Variants in CREM observed in about 807,000 individuals in gnomAD.
CREM encodes the protein cAMP-responsive element modulator.
Under a neutral mutation model 37.3 loss-of-function variants are expected in CREM, and 13 were observed. The observed-to-expected ratio is 0.35, with a 90% confidence interval of 0.23 to 0.55. The LOEUF (loss-of-function observed/expected upper bound fraction) is 0.55, where lower values mean the gene tolerates loss of function less well. Ranked by LOEUF, CREM falls within the 20% of genes least tolerant of loss-of-function variation. The probability of loss-of-function intolerance (pLI) is 0.88; values close to 1 mark genes in which losing one functional copy is unlikely to be tolerated. For missense variants in CREM, 296 were observed against 362.3 expected, an observed-to-expected ratio of 0.82 and a Z score of 1.49; for synonymous variants, 124 against 120.2, an observed-to-expected ratio of 1.03 and a Z score of -0.21.
intron 6 of CREM, among the ~76,000 whole-genome samples, chr10:35,188,926 A>G (rs892983455): frequency 6.6e-6 from 1 of 152,140 alleles, no homozygotes; most frequent in Non-Finnish European, 1.5e-5. Context: ...TGGAGGCCTC[A>G]GCCTCCTAAA....
chr10:35,212,345 CAAAG>C lies in CREM; in HGVS notation c.*949_*952del, dbSNP rs995768840. On this transcript the variant is annotated 3_prime_UTR_variant, in exon 8 of 8. Transcript: ENST00000685392. ...TATTGCTGTCCTTGAATGCCATAGTCAAAGAGAGTTTTTAATAGAACCATGTTGG... is the reference window on the plus strand; with the variant it reads ...TATTGCTGTCCTTGAATGCCATAGTCAGAGTTTTTAATAGAACCATGTTGG... The C allele has an allele frequency of 6.6e-6, 1 of 152,106 alleles. No homozygotes were observed. The highest frequency in any genetic ancestry group is 1.5e-5 in the Non-Finnish European group (1 of 67,996). 9.4% of individuals were successfully genotyped at this position (152,106 alleles called of 1,614,324 possible).
chr10:35,157,609 C>A (rs1031021054), intron 3 of CREM, among the ~76,000 whole-genome samples: 2 of 149,858 alleles, frequency 1.3e-5, no homozygotes, highest in Admixed American at 6.7e-5. Flanking sequence ...GCACTCCAGC[C>A]CAGGTTGCAG....
chr10:35,155,198 T>C (rs2092820217), intron 3 of CREM, among the ~76,000 whole-genome samples: 2 of 152,222 alleles, frequency 1.3e-5, no homozygotes, highest in Admixed American at 6.5e-5. Flanking sequence ...GTAATGATTA[T>C]GAGGTTTGGA....
chr10:35,157,459 C>T (rs898048489), intron 3 of CREM, among the ~76,000 whole-genome samples: 2 of 151,990 alleles, frequency 1.3e-5, no homozygotes, highest in Non-Finnish European at 2.9e-5. Context: ...TGGTGAAAGC[C>T]TGTCTCTACC....
chr10:35,154,110 T>C, intron 3 of CREM: 2 of 398,612 alleles, frequency 5.0e-6, no homozygotes, highest in Non-Finnish European at 8.8e-6. Flanking sequence ...TGGCATGCCA[T>C]CGGGGATTGA....
chr10:35,133,971 G>T (rs781352221), intron 1 of CREM, among the ~76,000 whole-genome samples: 19 of 151,942 alleles, frequency 1.3e-4, no homozygotes, highest in Non-Finnish European at 2.6e-4. Context: ...ACTTGCCCAA[G>T]AAGTTTAATT....
intron 5 of CREM, among the ~76,000 whole-genome samples, chr10:35,181,853 C>A (rs1201903547): frequency 6.6e-6 from 1 of 152,150 alleles, no homozygotes; most frequent in African/African-American, 2.4e-5. Flanking sequence ...CCAACCTGGG[C>A]AGCAGAGTGA....
At chr10:35,170,016 G>A (rs910559427) in intron 3 of CREM, among the ~76,000 whole-genome samples, 2 of 146,844 alleles carry the variant, frequency 1.4e-5, no homozygotes, top group African/African-American at 5.0e-5. Flanking sequence ...AAGCTGGAGT[G>A]CAGTGGCATG....
intron 3 of CREM, among the ~76,000 whole-genome samples, chr10:35,156,307 GAT>G (rs2092912792): frequency 6.6e-6 from 1 of 151,802 alleles, no homozygotes; most frequent in South Asian, 2.1e-4. Flanking sequence ...GGAGTGCAGT[GAT>G]ATGATCGTGA....
At chr10:35,182,525 G>A (rs2094395678) in intron 5 of CREM, among the ~76,000 whole-genome samples, 2 of 151,660 alleles carry the variant, frequency 1.3e-5, no homozygotes, top group South Asian at 4.2e-4. Context: ...TTTTTAATTT[G>A]GAATAATGAG....
In CREM at chr10:35,195,224, TTA is replaced by T. The variant is rs745888132; in HGVS notation, c.598+6837_598+6838del. On this transcript the variant is annotated intron_variant, in intron 6 of 7. Coordinates refer to ENST00000685392, the MANE Select transcript of CREM (RefSeq NM_183011.2). The stretch of plus-strand genomic sequence containing the variant: ...ACTGGAGATGACACAGGTAAGAATG[TTA>T]AAGAGGGGTTTTCAGTTAATTGTGC... 1.9e-6 allele frequency: 3 copies of T among 1,613,748 alleles called. No individual in the cohort carries two copies. In the East Asian group the frequency reaches 6.7e-5, roughly 36 times the overall value.
chr10:35,141,340 A>T (rs1373410315), intron 2 of CREM, among the ~76,000 whole-genome samples: 1 of 152,230 alleles, frequency 6.6e-6, no homozygotes, highest in Non-Finnish European at 1.5e-5. Context: ...TTAAGCAGAA[A>T]TACATGTTTT....
intron 6 of CREM, among the ~76,000 whole-genome samples, chr10:35,198,351 C>T (rs560035061): frequency 1.3e-5 from 2 of 151,976 alleles, no homozygotes; most frequent in Admixed American, 6.6e-5. Flanking sequence ...GGTGAAACCC[C>T]GTCTCTACTA....
At chr10:35,204,940 A>G (rs539873326) in intron 6 of CREM, among the ~76,000 whole-genome samples, 33 of 152,354 alleles carry the variant, frequency 2.2e-4, no homozygotes, top group African/African-American at 7.9e-4. Context: ...TGGGTATAAT[A>G]CATTTTCATG....
chr10:35,135,673 T>G (rs1478961505), intron 1 of CREM, among the ~76,000 whole-genome samples: 4 of 146,672 alleles, frequency 2.7e-5, no homozygotes, highest in Non-Finnish European at 5.9e-5. Context: ...GAGGATTGCT[T>G]GAAGCTAGGA....
chr10:35,183,567 A>AAGT (rs1180478273), intron 5 of CREM, among the ~76,000 whole-genome samples: 1 of 152,188 alleles, frequency 6.6e-6, no homozygotes, highest in Admixed American at 6.5e-5. Flanking sequence ...TTTAAGGTAC[A>AAGT]AGTACTCATA....
At chr10:35,163,785 C>T (rs933004774) in intron 3 of CREM, among the ~76,000 whole-genome samples, 32 of 152,012 alleles carry the variant, frequency 2.1e-4, no homozygotes, top group African/African-American at 7.0e-4. Context: ...CACACCACTG[C>T]GCTCCAGCCT....
At chr10:35,175,928 A>T in intron 3 of CREM, 1 of 1,551,904 alleles carries the variant, frequency 6.4e-7, no homozygotes, top group Non-Finnish European at 8.7e-7. Context: ...GGGCCAAACT[A>T]TACATGTCCA....
intron 3 of CREM, among the ~76,000 whole-genome samples, chr10:35,166,944 C>G (rs1002363924): frequency 2.0e-5 from 3 of 152,152 alleles, no homozygotes; most frequent in African/African-American, 7.2e-5. Context: ...GAGTTCAAGA[C>G]CAGCCTGGCA....
Sources: allele counts gnomAD v4.1 joint callset (sites outside exome capture counted in the v4.1 genomes callset), GRCh38; gene constraint gnomAD v4.1.1; transcripts MANE v1.5; gene names NCBI Gene and HGNC (gene_info 2026-07-23, HGNC 2026-07-21).